PAK3: variants seen among roughly 807,000 people sequenced by gnomAD.
The protein encoded by PAK3 is serine/threonine-protein kinase PAK 3.
Under a neutral mutation model 41.0 loss-of-function variants are expected in PAK3, and 4 were observed. The observed-to-expected ratio is 0.10, with a 90% CI of 0.05 to 0.22. PAK3 has a LOEUF of 0.22. Ranked by LOEUF, PAK3 falls within the 10% of genes least tolerant of loss-of-function variation. The pLI is 1.00. For missense variants in PAK3, 205 were observed against 409.9 expected (o/e 0.50, Z 4.32); for synonymous variants, 146 against 139.6 (o/e 1.05, Z -0.32).
intron 7 of PAK3, among the ~76,000 whole-genome samples, chrX:111,151,430 A>G (rs1846081946): frequency 8.9e-6 from 1 of 112,030 alleles, no homozygotes; most frequent in African/African-American, 3.2e-5. Flanking sequence ...ACCTCATCAT[A>G]GGTTTTCTGA....
intron 1 of PAK3, among the ~76,000 whole-genome samples, chrX:111,038,021 A>C (rs1192648732): frequency 4.5e-5 from 5 of 111,483 alleles, no homozygotes; most frequent in Non-Finnish European, 9.4e-5. Flanking sequence ...TTGACAAATT[A>C]TTTGACCTCC....
At chrX:111,183,643 C>T (rs1421830431) in intron 11 of PAK3, among the ~76,000 whole-genome samples, 1 of 111,807 alleles carries the variant, frequency 8.9e-6, no homozygotes, top group Non-Finnish European at 1.9e-5. Context: ...CATGTTGCTA[C>T]TTTTACAACT....
intron 1 of PAK3, among the ~76,000 whole-genome samples, chrX:110,969,450 A>ATT (rs35064494): frequency 4.9e-3 from 234 of 47,292 alleles, no homozygotes; most frequent in Middle Eastern, 0.022. Flanking sequence ...GACGTGGCTA[A>ATT]TTTTTTTTTT....
At chrX:111,017,416 C>T (rs1357642368) in intron 1 of PAK3, among the ~76,000 whole-genome samples, 1 of 110,687 alleles carries the variant, frequency 9.0e-6, no homozygotes, top group Non-Finnish European at 1.9e-5. Context: ...ACAGACATTA[C>T]CAAAAATGTT....
chrX:111,179,950 G>A (rs1191892259), intron 11 of PAK3, among the ~76,000 whole-genome samples: 1 of 110,580 alleles, frequency 9.0e-6, no homozygotes, highest in Non-Finnish European at 1.9e-5. Context: ...TAGATACGGG[G>A]TTTCACCATG....
At chrX:111,103,411 G>A (rs1393174979) in intron 4 of PAK3, 105 bp downstream of exon 4, 1 of 112,499 alleles carries the variant, frequency 8.9e-6, no homozygotes, top group Non-Finnish European at 1.9e-5. Context: ...TAGACCTCGT[G>A]AGCTAGGCCT....
intron 1 of PAK3, among the ~76,000 whole-genome samples, chrX:111,085,254 C>A (rs759903330): frequency 1.8e-5 from 2 of 111,679 alleles, no homozygotes; most frequent in Non-Finnish European, 3.8e-5. Context: ...TGCTTTAAAT[C>A]TAGGATATCC....
chrX:111,191,490 G>C (rs2094560245), intron 11 of PAK3, among the ~76,000 whole-genome samples: 2 of 111,707 alleles, frequency 1.8e-5, no homozygotes, highest in African/African-American at 6.5e-5. Flanking sequence ...GAAAACAATG[G>C]CTCAATAATA....
At chrX:111,161,809 T>G (rs2094193543) in intron 8 of PAK3, among the ~76,000 whole-genome samples, 1 of 111,494 alleles carries the variant, frequency 9.0e-6, no homozygotes, top group Non-Finnish European at 1.9e-5. Flanking sequence ...GGCTCTGTTC[T>G]GTTCCATTGG....
chrX:111,095,729 C>T (rs1466177192), upstream of PAK3, among the ~76,000 whole-genome samples: 2 of 111,844 alleles, frequency 1.8e-5, no homozygotes. Context: ...TTTAGAGATT[C>T]CGTCAGTTTA....
In PAK3 at chrX:111,048,557, C is replaced by A. The variant is rs185249074; in HGVS notation, c.-27-74520C>A. ...CATCTGCACCAAATTATTTCTACTGCAGGCTTCCCCTTATAAGTAAATGGT... is the reference window on the plus strand; with the variant it reads ...CATCTGCACCAAATTATTTCTACTGAAGGCTTCCCCTTATAAGTAAATGGT... On this transcript the variant is annotated intron_variant, in intron 1 of 14. Coordinates refer to the PAK3 transcript ENST00000425146. Among the ~76,000 whole-genome samples, 8 of 110,724 alleles carry A rather than the reference C, an allele frequency of 7.2e-5. No individual in the cohort carries two copies. In the East Asian group the frequency reaches 2.0e-3, roughly 27 times the overall value.
At chrX:111,092,745 G>A (rs193158836), upstream of PAK3, among the ~76,000 whole-genome samples, 185 of 111,872 alleles carry the variant, frequency 1.7e-3, 2 homozygotes, top group African/African-American at 5.8e-3. Flanking sequence ...AAAAACAACA[G>A]TTCCCTTACT....
chrX:111,119,618 T>C (rs1295235704), intron 4 of PAK3, among the ~76,000 whole-genome samples: 6 of 112,382 alleles, frequency 5.3e-5, no homozygotes, highest in African/African-American at 3.2e-5. Context: ...AATGACATCA[T>C]AGGCAGATTG....
intron 1 of PAK3, among the ~76,000 whole-genome samples, chrX:111,063,171 A>C (rs1232520649): frequency 2.7e-5 from 3 of 112,115 alleles, no homozygotes; most frequent in South Asian, 7.4e-4. Context: ...GAAGAACTGA[A>C]TATTTATAGA....
At chrX:111,065,795 T>C (rs2092697867) in intron 1 of PAK3, among the ~76,000 whole-genome samples, 1 of 111,644 alleles carries the variant, frequency 9.0e-6, no homozygotes, top group African/African-American at 3.3e-5. Context: ...TGGAAGATTG[T>C]GCATTGCCAG....
At chrX:111,217,435 A>G in intron 17 of PAK3, 1 of 724,653 alleles carries the variant, frequency 1.4e-6, no homozygotes, top group East Asian at 8.2e-5. Flanking sequence ...TGAACACATA[A>G]GCCAATTAAA....
chrX:111,065,204 G>A (rs748980214), intron 1 of PAK3, among the ~76,000 whole-genome samples: 34 of 111,407 alleles, frequency 3.1e-4, no homozygotes, highest in African/African-American at 1.1e-3. Flanking sequence ...TGTCTAGATG[G>A]CTCTTATTAT....
At chrX:111,094,246 A>T (rs113717672), upstream of PAK3, among the ~76,000 whole-genome samples, 2 of 111,557 alleles carry the variant, frequency 1.8e-5, no homozygotes, top group Non-Finnish European at 3.8e-5. Context: ...AAAATGCCTG[A>T]TTTTTTAAAA....
Position 111,215,534 on chromosome X carries a change from G to C in PAK3, c.1408-887G>C, listed in dbSNP as rs114512733. On this transcript the variant is annotated intron_variant, in intron 16 of 17. Coordinates refer to ENST00000372007, the MANE Select transcript of PAK3 (RefSeq NM_002578.5). ...AGCCTGGGCAACAGAGCAAGATTCCGTCTCAAAAAAAAAACCTTCAAAAGA... is the reference window on the plus strand; with the variant it reads ...AGCCTGGGCAACAGAGCAAGATTCCCTCTCAAAAAAAAAACCTTCAAAAGA... Among the ~76,000 whole-genome samples the C allele has an allele frequency of 8.1e-3, 874 of 107,965 alleles. 6 individuals are homozygous for C. The highest frequency in any genetic ancestry group is 0.013 in the Non-Finnish European group (688 of 52,264). 93.8% of individuals were successfully genotyped at this position (107,965 alleles called of 115,157 possible). A position where few individuals can be genotyped will look rare whatever the true frequency, so the allele number is the denominator to read the frequency against.
Sources: allele counts gnomAD v4.1 joint callset (sites outside exome capture counted in the v4.1 genomes callset), GRCh38; gene constraint gnomAD v4.1.1; transcripts MANE v1.5; gene names NCBI Gene and HGNC (gene_info 2026-07-23, HGNC 2026-07-21).